The following CDKN2B-AS1 variants were observed in gnomAD, a reference collection of about 807,000 sequenced individuals.
CDKN2B-AS1 encodes CDKN2B antisense RNA 1 (non-protein coding).
chr9:22,076,870 G>T (rs962378340), intron 4 of CDKN2B-AS1, among the ~76,000 whole-genome samples: 1 of 152,006 alleles, frequency 6.6e-6, no homozygotes, highest in African/African-American at 2.4e-5. Context: ...TTTTTGTAGA[G>T]ACAGGGTTTC....
intron 1 of CDKN2B-AS1, among the ~76,000 whole-genome samples, chr9:22,024,814 C>T (rs545431986): frequency 4.6e-5 from 7 of 152,220 alleles, no homozygotes; most frequent in South Asian, 2.1e-4. Flanking sequence ...GGCTGGTGTG[C>T]GCAGTAAGGG....
chr9:22,056,087 T>A (rs1487023744), intron 3 of CDKN2B-AS1, among the ~76,000 whole-genome samples: 3 of 149,158 alleles, frequency 2.0e-5, no homozygotes, highest in Non-Finnish European at 4.5e-5. Context: ...CAGTGTCGTC[T>A]GGGCTGGAGT....
chr9:22,005,826 T>G lies in CDKN2B-AS1; in HGVS notation n.29+10665T>G. ...GACAAAGAAAAAAATGTATGGAAGGTTATTCCCGGTCGGCTCCTCCTTCCT... is the reference window on the plus strand; with the variant it reads ...GACAAAGAAAAAAATGTATGGAAGGGTATTCCCGGTCGGCTCCTCCTTCCT... On this transcript the variant is annotated intron_variant and non_coding_transcript_variant, in intron 1 of 4. Coordinates refer to ENST00000650946, the Ensembl canonical transcript of CDKN2B-AS1. The surrounding 1 kb of genome is among the most constrained non-coding windows in gnomAD (Gnocchi z 4.9). 5.7e-6 allele frequency: 5 copies of G among 878,384 alleles called. No individual in the cohort carries two copies. The highest frequency in any genetic ancestry group is 8.8e-6 in the Non-Finnish European group (5 of 565,244). 54.4% of individuals were successfully genotyped at this position (878,384 alleles called of 1,614,324 possible). A position where few individuals can be genotyped will look rare whatever the true frequency, so the allele number is the denominator to read the frequency against.
At chr9:22,109,443 A>G (rs1415982736) in intron 4 of CDKN2B-AS1, among the ~76,000 whole-genome samples, 3 of 152,200 alleles carry the variant, frequency 2.0e-5, no homozygotes, top group African/African-American at 4.8e-5. Flanking sequence ...CTTTTCATCA[A>G]ATTCCTAGTG....
At chr9:22,056,131 G>C (rs535755928) in intron 3 of CDKN2B-AS1, 45 of 148,592 alleles carry the variant, frequency 3.0e-4, no homozygotes, top group African/African-American at 1.1e-3. Flanking sequence ...GGGTTCAAGT[G>C]ACTCTCCTGC....
rs1321996161 is a variant in CDKN2B-AS1, at chr9:22,055,568, C to T, written n.303-684C>T. On this transcript the variant is annotated intron_variant and non_coding_transcript_variant, in intron 3 of 4. Transcript: ENST00000650946. Reference sequence around the variant, plus strand: ...AGGTTGGTTGTTTTTTGTTTTTTTGCCACAGTCTTTTTAAAAAATATAACT... The same window carrying T: ...AGGTTGGTTGTTTTTTGTTTTTTTGTCACAGTCTTTTTAAAAAATATAACT... Among the ~76,000 whole-genome samples, 6 of 151,994 alleles carry T rather than the reference C, an allele frequency of 3.9e-5. No homozygotes were observed. The East Asian group carries it at 1.2e-3, about 29-fold the overall frequency.
In CDKN2B-AS1 at chr9:21,999,732, TTTG is replaced by T. The variant is rs201387679; in HGVS notation, n.29+4586_29+4588del. Among the ~76,000 whole-genome samples, 272 of 152,170 alleles carry T rather than the reference TTTG, an allele frequency of 1.8e-3. 2 individuals are homozygous for T. Among genetic ancestry groups the T allele is most frequent in the Admixed American group, 0.015 (232 of 15,284 alleles). The stretch of plus-strand genomic sequence containing the variant: ...TTGACATGCTTGTGAGGAGACTTTT[TTTG>T]TTGTTGTTGTTGTTAGGGCTCATTC... On this transcript the variant is annotated intron_variant and non_coding_transcript_variant, in intron 1 of 4. Transcript: ENST00000650946. This position sits in a 1 kb window ranked among gnomAD's most constrained non-coding sequence, Gnocchi z 4.7.
chr9:22,006,312 C>G lies in CDKN2B-AS1; in HGVS notation n.29+11151C>G, dbSNP rs536369645. ...CAGGTATGGGAGATGCCGGCCGGGG[C>G]AAGGCAGGTGGAGCCATTTAAAGAA... On this transcript the variant is annotated intron_variant and non_coding_transcript_variant, in intron 1 of 4. Coordinates refer to ENST00000650946, the Ensembl canonical transcript of CDKN2B-AS1. This position sits in a 1 kb window ranked among gnomAD's most constrained non-coding sequence, Gnocchi z 6.4. The G allele has an allele frequency of 6.3e-7, 1 of 1,593,580 alleles. No homozygotes were observed. Among genetic ancestry groups the G allele is most frequent in the East Asian group, 2.2e-5 (1 of 44,746 alleles).
intron 4 of CDKN2B-AS1, among the ~76,000 whole-genome samples, chr9:22,082,720 T>G (rs1182441207): frequency 6.6e-6 from 1 of 152,124 alleles, no homozygotes. Context: ...ATAGAAAACA[T>G]GTAGAGGATT....
At chr9:22,052,157 A>T (rs1025153317) in intron 3 of CDKN2B-AS1, among the ~76,000 whole-genome samples, 3 of 152,166 alleles carry the variant, frequency 2.0e-5, no homozygotes, top group African/African-American at 7.2e-5. Context: ...TCAAATTTTA[A>T]TAGTTTCCCC....
intron 1 of CDKN2B-AS1, among the ~76,000 whole-genome samples, chr9:22,026,957 T>A (rs990896971): frequency 6.6e-6 from 1 of 152,176 alleles, no homozygotes; most frequent in African/African-American, 2.4e-5. Context: ...GGAGTTTCCC[T>A]TGACTCCACG....
intron 4 of CDKN2B-AS1, chr9:22,117,482 A>G (rs1825981521): frequency 6.6e-6 from 1 of 152,278 alleles, no homozygotes; most frequent in Non-Finnish European, 1.5e-5. Context: ...AGGAAAAACA[A>G]AAACAAAAAG....
intron 1 of CDKN2B-AS1, among the ~76,000 whole-genome samples, chr9:22,020,324 A>G (rs982680860): frequency 2.0e-5 from 3 of 152,134 alleles, no homozygotes; most frequent in African/African-American, 7.2e-5. Context: ...TGTGAATACT[A>G]TTGCAATAAA....
chr9:22,124,719 A>G (rs1437205685), intron 4 of CDKN2B-AS1, among the ~76,000 whole-genome samples: 2 of 152,184 alleles, frequency 1.3e-5, no homozygotes, highest in African/African-American at 4.8e-5. Context: ...AACAGCGTGG[A>G]GTCTAGCCAT....
rs538794854 is a variant in CDKN2B-AS1, at chr9:22,037,440, A to G, written n.30-9311A>G. 7.2e-5 allele frequency among the ~76,000 whole-genome samples: 11 copies of G among 151,738 alleles called. No individual in the cohort carries two copies. The South Asian group carries it at 1.2e-3, about 17-fold the overall frequency. ...ACTCTACCTGGTTTGCGTAATCTAC[A>G]TCGGCTTCTAGTTTCCACAAGAATT... On this transcript the variant is annotated intron_variant and non_coding_transcript_variant, in intron 1 of 4. Transcript: ENST00000650946.
At chr9:22,055,746 A>T (rs1169066819) in intron 3 of CDKN2B-AS1, among the ~76,000 whole-genome samples, 1 of 152,120 alleles carries the variant, frequency 6.6e-6, no homozygotes, top group Non-Finnish European at 1.5e-5. Context: ...TCCTTTGAAG[A>T]TACTTTTCCT....
intron 1 of CDKN2B-AS1, chr9:22,032,671 C>A (rs980144462): frequency 3.3e-5 from 5 of 151,944 alleles, no homozygotes; most frequent in African/African-American, 4.8e-5. Context: ...TTTTCTTCCA[C>A]AGGCAATTTA....
chr9:22,063,696 T>A (rs1254341379), intron 4 of CDKN2B-AS1, among the ~76,000 whole-genome samples: 2 of 152,176 alleles, frequency 1.3e-5, no homozygotes, highest in East Asian at 3.9e-4. Flanking sequence ...AACTACTGTT[T>A]CTTCAACTCT....
intron 4 of CDKN2B-AS1, chr9:22,120,839 T>G (rs1826081490): frequency 6.6e-6 from 1 of 152,144 alleles, no homozygotes; most frequent in Non-Finnish European, 1.5e-5. Context: ...AGTGAACATG[T>G]AATGCTTACC....
Sources: allele counts gnomAD v4.1 joint callset (sites outside exome capture counted in the v4.1 genomes callset), GRCh38; gene constraint gnomAD v4.1.1; non-coding constraint Gnocchi (gnomAD v3.1); transcripts MANE v1.5; gene names NCBI Gene and HGNC (gene_info 2026-07-23, HGNC 2026-07-21).